Variants in AGBL4 observed in about 807,000 individuals in gnomAD.
AGBL4 encodes cytosolic carboxypeptidase 6.
A neutral mutation model predicts 66.4 loss-of-function variants in AGBL4; 58 were observed. That is an observed-to-expected ratio of 0.87 (90% CI 0.71 to 1.09). AGBL4 has a LOEUF of 1.09. Ranked by LOEUF, AGBL4 falls within the 50% of genes least tolerant of loss-of-function variation. The probability of loss-of-function intolerance (pLI) is 0.00; values close to 1 mark genes in which losing one functional copy is unlikely to be tolerated. For missense variants in AGBL4, 579 were observed against 631.0 expected (o/e 0.92, Z 0.88); for synonymous variants, 234 against 222.9 (o/e 1.05, Z -0.44).
At chr1:49,751,374 G>A (rs1464644815) in intron 2 of AGBL4, among the ~76,000 whole-genome samples, 1 of 152,164 alleles carries the variant, frequency 6.6e-6, no homozygotes, top group African/African-American at 2.4e-5. Flanking sequence ...TTTATGTCAT[G>A]AATTACGTTT....
At chr1:49,710,420 T>A (rs1450460701) in intron 2 of AGBL4, among the ~76,000 whole-genome samples, 1 of 151,930 alleles carries the variant, frequency 6.6e-6, no homozygotes, top group Non-Finnish European at 1.5e-5. Context: ...AAGGGAACAT[T>A]ACACACTGGG....
intron 3 of AGBL4, among the ~76,000 whole-genome samples, chr1:49,493,618 G>A (rs950341291): frequency 1.3e-5 from 2 of 151,876 alleles, no homozygotes; most frequent in African/African-American, 4.8e-5. Context: ...GAAGGCCAGG[G>A]TAACAGGAAC....
chr1:49,877,341 C>G (rs929319724), intron 1 of AGBL4, among the ~76,000 whole-genome samples: 1 of 151,856 alleles, frequency 6.6e-6, no homozygotes. Context: ...CCATCAATAC[C>G]TAATTTATTG....
At chr1:49,808,451 C>G (rs1226986319) in intron 2 of AGBL4, among the ~76,000 whole-genome samples, 1 of 152,084 alleles carries the variant, frequency 6.6e-6, no homozygotes, top group African/African-American at 2.4e-5. Flanking sequence ...ATGCACAGAG[C>G]TGAATTTAGT....
chr1:50,015,385 T>G (rs1475396945), intron 1 of AGBL4, among the ~76,000 whole-genome samples: 3 of 152,196 alleles, frequency 2.0e-5, no homozygotes, highest in Non-Finnish European at 4.4e-5. Context: ...ATTTCCAGAG[T>G]TTAGCACAAT....
chr1:48,765,243 T>C (rs1337073187), intron 6 of AGBL4, among the ~76,000 whole-genome samples: 1 of 152,102 alleles, frequency 6.6e-6, no homozygotes, highest in East Asian at 1.9e-4. Context: ...ATCCATACAA[T>C]AGAGACTCAT....
intron 3 of AGBL4, among the ~76,000 whole-genome samples, chr1:49,423,809 CAAAAAAAAA>C (rs5774048): frequency 3.6e-5 from 3 of 84,368 alleles, no homozygotes; most frequent in African/African-American, 1.5e-4. Flanking sequence ...AAGACTCGGC[CAAAAAAAAA>C]AAAAAAAAAA....
intron 2 of AGBL4, among the ~76,000 whole-genome samples, chr1:49,745,864 CA>C (rs927732976): frequency 6.6e-6 from 1 of 151,520 alleles, no homozygotes; most frequent in African/African-American, 2.4e-5. Context: ...ACAGAAACAA[CA>C]AAAAAACCCA....
intron 3 of AGBL4, among the ~76,000 whole-genome samples, chr1:49,574,016 A>G (rs1190491569): frequency 6.6e-6 from 1 of 152,128 alleles, no homozygotes; most frequent in Non-Finnish European, 1.5e-5. Flanking sequence ...GCCTCCCCTG[A>G]GGCAGTTGCT....
chr1:49,785,613 T>C (rs1032987232), intron 2 of AGBL4, among the ~76,000 whole-genome samples: 6 of 151,910 alleles, frequency 3.9e-5, no homozygotes, highest in Non-Finnish European at 7.4e-5. Context: ...TCTGAAAACA[T>C]ATACAATGGG....
chr1:48,560,681 A>T (rs1196925503), intron 11 of AGBL4, among the ~76,000 whole-genome samples: 1 of 152,216 alleles, frequency 6.6e-6, no homozygotes, highest in African/African-American at 2.4e-5. Context: ...TTTCACAGTG[A>T]TGTTGAACAA....
chr1:49,714,494 A>G (rs892699085), intron 2 of AGBL4, among the ~76,000 whole-genome samples: 2 of 151,566 alleles, frequency 1.3e-5, no homozygotes, highest in African/African-American at 4.9e-5. Context: ...TTCACTTAAG[A>G]TAATGGTCTC....
chr1:49,502,611 A>G (rs1463852582), intron 3 of AGBL4, among the ~76,000 whole-genome samples: 1 of 152,088 alleles, frequency 6.6e-6, no homozygotes, highest in African/African-American at 2.4e-5. Context: ...AGAATTGTTG[A>G]ATGGTTTTAA....
chr1:49,193,669 A>C (rs1647166714), intron 4 of AGBL4, among the ~76,000 whole-genome samples: 1 of 151,694 alleles, frequency 6.6e-6, no homozygotes, highest in Non-Finnish European at 1.5e-5. Flanking sequence ...CTGGGACTAC[A>C]GGTGCCCGCC....
At chr1:48,528,792 CCT>C (rs1643892457), downstream of AGBL4, among the ~76,000 whole-genome samples, 1 of 151,976 alleles carries the variant, frequency 6.6e-6, no homozygotes, top group Non-Finnish European at 1.5e-5. Context: ...AAAGATGATC[CCT>C]GAGATGTTGC....
At position 49,325,034 on chromosome 1, in the gene AGBL4, T is replaced by C. The variant is rs72897777; in HGVS notation, c.283-79170A>G. 2.5e-3 allele frequency among the ~76,000 whole-genome samples: 377 copies of C among 152,360 alleles called. 1 individual carries two copies. The highest frequency in any genetic ancestry group is 8.1e-3 in the African/African-American group (337 of 41,570). ...ATCAGCACTCTTTCACTTTCTTCTT[T>C]TTTTTTGAGACGGAGTCTCGCTCTG... is the stretch of plus-strand genomic sequence containing the variant. On this transcript the variant is annotated intron_variant, in intron 3 of 13. Transcript: ENST00000371839.
At chr1:48,850,705 C>T (rs1051761692) in intron 6 of AGBL4, among the ~76,000 whole-genome samples, 2 of 152,034 alleles carry the variant, frequency 1.3e-5, no homozygotes, top group East Asian at 1.9e-4. Context: ...TCTGTAGAGA[C>T]GGGGTTTCAC....
chr1:49,474,887 G>A (rs1646816429), intron 3 of AGBL4, among the ~76,000 whole-genome samples: 1 of 151,970 alleles, frequency 6.6e-6, no homozygotes, highest in African/African-American at 2.4e-5. Flanking sequence ...AGCAAAGAGA[G>A]AAAATCTGAC....
chr1:48,840,475 G>A (rs1646774102), intron 6 of AGBL4, among the ~76,000 whole-genome samples: 1 of 152,174 alleles, frequency 6.6e-6, no homozygotes, highest in Admixed American at 6.5e-5. Context: ...ACCTAACAGT[G>A]TAGGAGCTTA....
Sources: gnomAD v4.1 joint callset for allele counts (sites outside exome capture counted in the v4.1 genomes callset) on GRCh38, gnomAD v4.1.1 for gene constraint, MANE v1.5 for transcripts, NCBI Gene and HGNC (gene_info 2026-07-23, HGNC 2026-07-21) for gene names.